The following TGFBRAP1 variants were observed in gnomAD, a reference collection of about 807,000 sequenced individuals.
TGFBRAP1 encodes the protein transforming growth factor beta receptor associated protein 1.
Under a neutral mutation model 83.2 loss-of-function variants are expected in TGFBRAP1, and 20 were observed. That is an observed-to-expected ratio of 0.24 (90% CI 0.17 to 0.35). The LOEUF is 0.35. TGFBRAP1 is among the 10% of genes least tolerant of loss of function. The probability of loss-of-function intolerance (pLI) is 1.00; values close to 1 mark genes in which losing one functional copy is unlikely to be tolerated. For missense variants in TGFBRAP1, 950 were observed against 1,099.4 expected (o/e 0.86, Z 1.92); for synonymous variants, 415 against 459.8 (o/e 0.90, Z 1.25).
Position 105,308,046 on chromosome 2 carries a change from A to G in TGFBRAP1, c.256T>C (p.Ser86Pro). ...AGCACCAGCAGCCTGTTGAGTGCTG[A>G]GGCCGCACGCAGCTCGTTCACGGGC... ...KKPVNELRAA[S>P]ALNRLLVLCD... is the part of the protein sequence containing the mutation. The change falls in exon 2 of 12, where the codon TCA becomes CCA. Residue 86 changes from serine to proline, a missense_variant. Transcript: ENST00000393359. 1.9e-6 allele frequency: 3 copies of G among 1,613,918 alleles called. No individual in the cohort carries two copies. Among genetic ancestry groups the G allele is most frequent in the Non-Finnish European group, 2.5e-6 (3 of 1,179,898 alleles).
At chr2:105,299,374 G>A (rs908535310) in intron 2 of TGFBRAP1, among the ~76,000 whole-genome samples, 2 of 152,124 alleles carry the variant, frequency 1.3e-5, no homozygotes, top group African/African-American at 4.8e-5. Flanking sequence ...CCTCACGTGA[G>A]GACAAAGTGA....
intron 5 of TGFBRAP1, among the ~76,000 whole-genome samples, chr2:105,282,593 G>A (rs569008356): frequency 2.3e-3 from 346 of 152,224 alleles, no homozygotes; most frequent in Admixed American, 5.8e-3. Context: ...GGGAGGCTGG[G>A]GCAAGAGGAT....
At chr2:105,271,147 G>T (rs962026177) in intron 10 of TGFBRAP1, among the ~76,000 whole-genome samples, 1 of 152,194 alleles carries the variant, frequency 6.6e-6, no homozygotes. Flanking sequence ...GGCACAGCTC[G>T]TGGGTTCCTC....
chr2:105,284,386 T>C lies in TGFBRAP1; in HGVS notation c.1051A>G (p.Arg351Gly). The C allele has an allele frequency of 6.2e-7, 1 of 1,614,030 alleles. No individual in the cohort carries two copies. Among genetic ancestry groups the C allele is most frequent in the Non-Finnish European group, 8.5e-7 (1 of 1,179,906 alleles). The change falls in exon 5 of 12, where the codon AGG becomes GGG. Residue 351 changes from arginine to glycine, a missense_variant. Transcript: ENST00000393359. ...ATAAATCCCGCCTGCTGCAGAATCCTTCTGTACATTACCTGCAAGGAAAGA... is the reference window on the plus strand; with the variant it reads ...ATAAATCCCGCCTGCTGCAGAATCCCTCTGTACATTACCTGCAAGGAAAGA... ...PKEKFQVMYR[R>G]ILQQAGFIQF...
At chr2:105,261,828 A>G (rs946220506), downstream of TGFBRAP1, among the ~76,000 whole-genome samples, 2 of 152,140 alleles carry the variant, frequency 1.3e-5, no homozygotes, top group African/African-American at 4.8e-5. Flanking sequence ...ACTTGAAAAA[A>G]GGTATGTGTA....
chr2:105,316,556 TGTAATCCC>T lies in TGFBRAP1; in HGVS notation c.-17-8246_-17-8239del, dbSNP rs578036017. On this transcript the variant is annotated intron_variant, in intron 1 of 11. Coordinates refer to ENST00000393359, the MANE Select transcript of TGFBRAP1 (RefSeq NM_004257.6). ...GAGCAGTGGCTCATGCCTGTAATCC[TGTAATCCC>T]AGCACTTTGGGAGGCCGAGGCAAGT... Among the ~76,000 whole-genome samples, 1,015 of 151,736 alleles carry T rather than the reference TGTAATCCC, an allele frequency of 6.7e-3. 4 individuals are homozygous for T. Among genetic ancestry groups the T allele is most frequent in the Middle Eastern group, 0.014 (4 of 290 alleles).
At chr2:105,270,135 T>TC (rs1247239108) in intron 10 of TGFBRAP1, among the ~76,000 whole-genome samples, 2 of 151,694 alleles carry the variant, frequency 1.3e-5, no homozygotes, top group Admixed American at 6.6e-5. Context: ...AAACACTACT[T>TC]CCCCCCAAAA....
rs1491168853 is a variant in TGFBRAP1, at chr2:105,300,454, TCC to T, written c.689-1751_689-1750del. 1.9e-3 allele frequency among the ~76,000 whole-genome samples: 241 copies of T among 127,146 alleles called. 3 individuals carry two copies. The East Asian group carries it at 0.032, about 17-fold the overall frequency. 83.4% of individuals were successfully genotyped at this position (127,146 alleles called of 152,430 possible). A position where few individuals can be genotyped will look rare whatever the true frequency, so the allele number is the denominator to read the frequency against. ...AAAATCTTTTTTTTTTTTTTTTTTT[TCC>T]GAGACAGTCTCGCTCTGTTGCCCAG... On this transcript the variant is annotated intron_variant, in intron 2 of 11. Coordinates refer to ENST00000393359, the MANE Select transcript of TGFBRAP1 (RefSeq NM_004257.6).
chr2:105,295,595 G>C (rs1282161443), intron 4 of TGFBRAP1, among the ~76,000 whole-genome samples: 1 of 151,988 alleles, frequency 6.6e-6, no homozygotes, highest in Non-Finnish European at 1.5e-5. Flanking sequence ...GGTGGATCAC[G>C]AGGTCAAGGG....
intron 10 of TGFBRAP1, among the ~76,000 whole-genome samples, chr2:105,270,555 A>C (rs1303338706): frequency 6.6e-6 from 1 of 152,242 alleles, no homozygotes; most frequent in Non-Finnish European, 1.5e-5. Flanking sequence ...ACTGTGAAGA[A>C]ATATTATGAG....
chr2:105,284,332 C>T lies in TGFBRAP1; in HGVS notation c.1105G>A (p.Ala369Thr). Residue 369 changes from alanine (A) to threonine (T), a missense_variant, in exon 5 of 12, where the codon GCT becomes ACT. Ala to Thr is a moderately conservative substitution (Grantham distance 58). Coordinates refer to ENST00000393359, the MANE Select transcript of TGFBRAP1 (RefSeq NM_004257.6). ...TCAAATTACCTGAAGAGCTCTTTAG[C>T]TTCCAGGAACTGAAGTTGTGCAAAC... ...IQFAQLQFLE[A>T]KELFRSGQLD... 6.2e-7 allele frequency: 1 copy of T among 1,614,022 alleles called. No homozygotes were observed. Among genetic ancestry groups the T allele is most frequent in the Non-Finnish European group, 8.5e-7 (1 of 1,179,916 alleles).
downstream of TGFBRAP1, among the ~76,000 whole-genome samples, chr2:105,263,874 G>A (rs983247380): frequency 2.6e-5 from 4 of 152,018 alleles, no homozygotes; most frequent in Non-Finnish European, 4.4e-5. Context: ...CAACAAGAGC[G>A]AAATTCCATC....
chr2:105,302,560 A>T (rs1678335878), intron 2 of TGFBRAP1, among the ~76,000 whole-genome samples: 1 of 152,190 alleles, frequency 6.6e-6, no homozygotes, highest in African/African-American at 2.4e-5. Flanking sequence ...CAAGGTGAGG[A>T]AAAGTACTCT....
In TGFBRAP1 at chr2:105,266,022, T is replaced by C. The variant is rs1313546480; in HGVS notation, c.*1361A>G. ...CCAAGCATGATAGTAGTGGGTAGACTGCCTTTATTGTTAGCCCCTAATAGA... is the reference window on the plus strand; with the variant it reads ...CCAAGCATGATAGTAGTGGGTAGACCGCCTTTATTGTTAGCCCCTAATAGA... On this transcript the variant is annotated 3_prime_UTR_variant, in exon 12 of 12. Transcript: ENST00000393359. The C allele has an allele frequency of 6.6e-6, 1 of 152,268 alleles. No individual in the cohort carries two copies. 9.4% of individuals were successfully genotyped at this position (152,268 alleles called of 1,614,324 possible).
rs182607630 is a variant in TGFBRAP1 at position 105,267,566 on chromosome 2, G to A, written c.2407-7C>T. 1.0e-4 allele frequency: 165 copies of A among 1,614,158 alleles called. 1 individual carries two copies. In the East Asian group the frequency reaches 2.0e-3, roughly 19 times the overall value. ...AGCTTCCTTTCAACTTCATCTGCAA[G>A]AAGAAACCAAGACTGAGAATGCTGT... On this transcript the variant is annotated splice_polypyrimidine_tract_variant and splice_region_variant and intron_variant, in intron 11 of 11. Coordinates refer to ENST00000393359, the MANE Select transcript of TGFBRAP1 (RefSeq NM_004257.6).
chr2:105,259,715 T>G (rs1676745679), downstream of TGFBRAP1, among the ~76,000 whole-genome samples: 1 of 152,240 alleles, frequency 6.6e-6, no homozygotes, highest in African/African-American at 2.4e-5. Context: ...GCAGCTGCCC[T>G]GTCTCTGGCC....
Position 105,298,705 on chromosome 2 carries a change from C to T in TGFBRAP1, c.689G>A (p.Gly230Asp). The change falls in exon 3 of 12, where the codon GGC (glycine) becomes GAC (aspartate). Residue 230 changes from glycine (G) to aspartate (D), a missense_variant and splice_region_variant. Coordinates refer to ENST00000393359, the MANE Select transcript of TGFBRAP1 (RefSeq NM_004257.6). ...TATCCCTGCGACTGTGGCAAACATG[C>T]CTAGAAGTAAGAAGAAAGAGTTAGG... Reference protein sequence around the residue: ...EFLLAGPGGLGMFATVAGISQ... With the variant: ...EFLLAGPGGLDMFATVAGISQ... 6.4e-7 allele frequency: 1 copy of T among 1,562,602 alleles called. No individual in the cohort carries two copies. The highest frequency in any genetic ancestry group is 8.7e-7 in the Non-Finnish European group (1 of 1,148,570).
rs79863813 is a variant in TGFBRAP1 at position 105,292,208 on chromosome 2, A to C, written c.1038+4148T>G. On this transcript the variant is annotated intron_variant, in intron 4 of 11. Transcript: ENST00000393359. Reference sequence around the variant, plus strand: ...CATTCCACACATATTTGTCCACAGAACTAAGAAACCAAATAGCATGTGGAA... The same window carrying C: ...CATTCCACACATATTTGTCCACAGACCTAAGAAACCAAATAGCATGTGGAA... Among the ~76,000 whole-genome samples the C allele has an allele frequency of 9.9e-3, 1,514 of 152,334 alleles. 33 individuals are homozygous for C. The highest frequency in any genetic ancestry group is 0.035 in the African/African-American group (1,461 of 41,576).
chr2:105,304,843 A>G (rs1678441974), intron 2 of TGFBRAP1, among the ~76,000 whole-genome samples: 2 of 152,178 alleles, frequency 1.3e-5, no homozygotes, highest in African/African-American at 4.8e-5. Context: ...AAAAGGCTAC[A>G]TACTGTATGG....
Sources: gnomAD v4.1 joint callset for allele counts (sites outside exome capture counted in the v4.1 genomes callset) on GRCh38, gnomAD v4.1.1 for gene constraint, MANE v1.5 for transcripts, NCBI Gene and HGNC (gene_info 2026-07-23, HGNC 2026-07-21) for gene names.